The following SEMA3A variants were observed in gnomAD, a reference collection of about 807,000 sequenced individuals.
The protein encoded by SEMA3A is semaphorin 3A, also known as semaphorin-3A.
SEMA3A carries 29 observed loss-of-function variants against 97.9 expected under a neutral mutation model. The ratio of observed to expected loss-of-function variants is 0.30; its 90% CI spans 0.22 to 0.40. The LOEUF (loss-of-function observed/expected upper bound fraction) is 0.40, where lower values mean the gene tolerates loss of function less well. SEMA3A is among the 10% of genes least tolerant of loss of function. The pLI, the probability that SEMA3A is intolerant of heterozygous loss-of-function variation, is 1.00. For synonymous variants in SEMA3A, 321 were observed against 323.7 expected (o/e 0.99, Z 0.09); for missense variants, 763 against 951.3 (o/e 0.80, Z 2.60).
intron 1 of SEMA3A, among the ~76,000 whole-genome samples, chr7:84,166,027 C>A (rs1270127729): frequency 2.0e-5 from 3 of 152,014 alleles, no homozygotes; most frequent in African/African-American, 7.2e-5. Flanking sequence ...AATCCCAGCA[C>A]TTTGGGAGGT....
chr7:84,165,608 A>G (rs1440191546), intron 1 of SEMA3A, among the ~76,000 whole-genome samples: 1 of 152,094 alleles, frequency 6.6e-6, no homozygotes, highest in Non-Finnish European at 1.5e-5. Flanking sequence ...GCTGCAGTGC[A>G]GTGTCGCGAT....
intron 6 of SEMA3A, among the ~76,000 whole-genome samples, chr7:84,019,451 C>T (rs189241151): frequency 1.3e-5 from 2 of 151,622 alleles, no homozygotes; most frequent in Admixed American, 6.6e-5. Context: ...AAAGGATTCT[C>T]ACAAGTGGGG....
At chr7:84,215,255 A>G (rs1798721697) in intron 3 of SEMA3A, among the ~76,000 whole-genome samples, 1 of 151,538 alleles carries the variant, frequency 6.6e-6, no homozygotes, top group African/African-American at 2.4e-5. Flanking sequence ...GCGTGATCTT[A>G]GCTCACTGCA....
chr7:84,190,137 T>C (rs1490220871), intron 1 of SEMA3A, among the ~76,000 whole-genome samples: 3 of 151,728 alleles, frequency 2.0e-5, no homozygotes, highest in Non-Finnish European at 3.0e-5. Context: ...ATTTTCTTGA[T>C]TGCTAAAGTC....
intron 1 of SEMA3A, among the ~76,000 whole-genome samples, chr7:84,403,870 C>T (rs991693922): frequency 6.6e-6 from 1 of 152,106 alleles, no homozygotes; most frequent in South Asian, 2.1e-4. Context: ...ACAGAAAGGA[C>T]ATCCACACCA....
chr7:84,108,147 T>A (rs1401415382), intron 4 of SEMA3A, among the ~76,000 whole-genome samples: 1 of 152,284 alleles, frequency 6.6e-6, no homozygotes, highest in Non-Finnish European at 1.5e-5. Context: ...AGACAATGTT[T>A]AACTTTCACA....
chr7:84,242,756 A>T (rs1005367959), intron 3 of SEMA3A, among the ~76,000 whole-genome samples: 10 of 152,150 alleles, frequency 6.6e-5, no homozygotes, highest in Admixed American at 2.0e-4. Context: ...ATTCAGAATG[A>T]TATGGGCTGT....
chr7:84,491,733 C>T (rs1329351747), intron 1 of SEMA3A, among the ~76,000 whole-genome samples: 1 of 152,078 alleles, frequency 6.6e-6, no homozygotes, highest in Admixed American at 6.6e-5. Flanking sequence ...AATGGTGAAT[C>T]CAAAGTTGTA....
intron 3 of SEMA3A, among the ~76,000 whole-genome samples, chr7:84,262,066 T>C (rs1441447804): frequency 6.6e-6 from 1 of 151,356 alleles, no homozygotes; most frequent in Non-Finnish European, 1.5e-5. Flanking sequence ...TTTGTATGCT[T>C]ACATTGAAGA....
chr7:84,286,648 TA>T (rs1357221694), intron 3 of SEMA3A, among the ~76,000 whole-genome samples: 81 of 152,130 alleles, frequency 5.3e-4, no homozygotes, highest in African/African-American at 1.7e-3. Context: ...AGAATATGAG[TA>T]AAAGTTCAGA....
chr7:83,978,321 C>T (rs111921879), intron 14 of SEMA3A, among the ~76,000 whole-genome samples: 13 of 152,152 alleles, frequency 8.5e-5, no homozygotes, highest in African/African-American at 1.4e-4. Context: ...TACATTCTAC[C>T]CCCAGATCAC....
intron 3 of SEMA3A, among the ~76,000 whole-genome samples, chr7:84,251,349 T>A (rs957250827): frequency 2.0e-5 from 3 of 152,148 alleles, no homozygotes; most frequent in Admixed American, 2.0e-4. Context: ...TCCAGGAGGT[T>A]AGGAGCCAGG....
At chr7:84,150,374 T>G (rs937357654) in intron 1 of SEMA3A, among the ~76,000 whole-genome samples, 1 of 152,142 alleles carries the variant, frequency 6.6e-6, no homozygotes, top group African/African-American at 2.4e-5. Context: ...CGCAGGTCAG[T>G]GGGTGCGCAC....
chr7:84,452,988 G>A (rs1050569327), intron 1 of SEMA3A, among the ~76,000 whole-genome samples: 1 of 152,080 alleles, frequency 6.6e-6, no homozygotes, highest in African/African-American at 2.4e-5. Context: ...AGTTTGCATG[G>A]TAACATCCTA....
intron 1 of SEMA3A, among the ~76,000 whole-genome samples, chr7:84,175,212 A>G (rs1000084540): frequency 3.9e-5 from 6 of 152,136 alleles, no homozygotes; most frequent in African/African-American, 1.4e-4. Flanking sequence ...GAAAATGCCT[A>G]CTGTCTGGGT....
At chr7:84,210,457 G>C (rs1346963110) in intron 3 of SEMA3A, among the ~76,000 whole-genome samples, 1 of 151,942 alleles carries the variant, frequency 6.6e-6, no homozygotes, top group Non-Finnish European at 1.5e-5. Context: ...TGTGAGTGCA[G>C]GAAATGGGAA....
At chr7:84,429,339 G>A (rs933003488) in intron 1 of SEMA3A, among the ~76,000 whole-genome samples, 66 of 150,932 alleles carry the variant, frequency 4.4e-4, no homozygotes, top group Non-Finnish European at 3.7e-4. Flanking sequence ...CCTAACAACA[G>A]TTTTGTTCGT....
intron 1 of SEMA3A, among the ~76,000 whole-genome samples, chr7:84,416,005 A>C (rs1804422696): frequency 6.6e-6 from 1 of 152,130 alleles, no homozygotes; most frequent in Non-Finnish European, 1.5e-5. Context: ...TTATTTCCTT[A>C]GTAGGTAGAC....
In SEMA3A at chr7:84,371,681, C is replaced by T. The variant is rs553840911; in HGVS notation, c.-169+143G>A. ...ACACCTGATTGGATTTTTCACTTTG[C>T]TTTTAGGTTGTTATTTTGAAGACAT... On this transcript the variant is annotated intron_variant, in intron 2 of 3. Transcript: ENST00000424555. The T allele has an allele frequency of 8.4e-4, 128 of 151,794 alleles. 1 individual carries two copies. The highest frequency in any genetic ancestry group is 3.4e-3 in the Middle Eastern group (1 of 294). 9.4% of individuals were successfully genotyped at this position (151,794 alleles called of 1,614,324 possible). A position where few individuals can be genotyped will look rare whatever the true frequency, so the allele number is the denominator to read the frequency against.
Sources: gnomAD v4.1 joint callset for allele counts (sites outside exome capture counted in the v4.1 genomes callset) on GRCh38, gnomAD v4.1.1 for gene constraint, MANE v1.5 for transcripts, NCBI Gene and HGNC (gene_info 2026-07-23, HGNC 2026-07-21) for gene names.